Variants in KALRN observed in about 807,000 individuals in gnomAD.
The protein encoded by KALRN is kalirin.
A neutral mutation model predicts 353.7 loss-of-function variants in KALRN; 70 were observed. The observed-to-expected ratio is 0.20, with a 90% CI of 0.16 to 0.24. The LOEUF (loss-of-function observed/expected upper bound fraction) is 0.24, where lower values mean the gene tolerates loss of function less well. Ranked by LOEUF, KALRN falls within the 10% of genes least tolerant of loss-of-function variation. KALRN has a pLI of 1.00. For missense variants in KALRN, 2,791 were observed against 3,756.7 expected (o/e 0.74, Z 6.72); for synonymous variants, 1,391 against 1,434.8 (o/e 0.97, Z 0.69).
intron 14 of KALRN, among the ~76,000 whole-genome samples, chr3:124,419,026 C>T (rs575330877): frequency 6.5e-4 from 98 of 151,028 alleles, no homozygotes; most frequent in Non-Finnish European, 1.1e-3. Flanking sequence ...GAGCTGAGAT[C>T]GCACCACTGC....
intron 51 of KALRN, among the ~76,000 whole-genome samples, chr3:124,685,862 G>A (rs1014151775): frequency 2.6e-5 from 4 of 152,132 alleles, no homozygotes; most frequent in African/African-American, 9.7e-5. Context: ...GTACACTAAT[G>A]AGATTACAAG....
At chr3:124,310,217 T>C (rs1315126645) in intron 6 of KALRN, among the ~76,000 whole-genome samples, 1 of 149,494 alleles carries the variant, frequency 6.7e-6, no homozygotes, top group Non-Finnish European at 1.5e-5. Context: ...GAAAAAAGTG[T>C]AAAACTTATA....
At chr3:124,368,867 C>A (rs558495391) in intron 10 of KALRN, among the ~76,000 whole-genome samples, 1 of 152,230 alleles carries the variant, frequency 6.6e-6, no homozygotes, top group Admixed American at 6.5e-5. Context: ...GGAGACCGGC[C>A]GGCCAACACA....
At chr3:124,265,951 A>G (rs2148898120) in intron 4 of KALRN, among the ~76,000 whole-genome samples, 2 of 152,200 alleles carry the variant, frequency 1.3e-5, no homozygotes, top group South Asian at 4.2e-4. Context: ...CCCTGTCTCT[A>G]CTAAAAATAC....
At chr3:124,056,051 C>T (rs1171403418) in intron 1 of KALRN, among the ~76,000 whole-genome samples, 1 of 152,166 alleles carries the variant, frequency 6.6e-6, no homozygotes. Flanking sequence ...TCCTGGAGAG[C>T]CTTTGTGCAG....
intron 21 of KALRN, among the ~76,000 whole-genome samples, chr3:124,448,231 C>CACA (rs2150699523): frequency 6.6e-6 from 1 of 152,212 alleles, no homozygotes; most frequent in Non-Finnish European, 1.5e-5. Flanking sequence ...CTTTTTCATT[C>CACA]ACATAGCTAC....
At chr3:124,573,155 G>A (rs1460334881) in intron 34 of KALRN, among the ~76,000 whole-genome samples, 1 of 152,116 alleles carries the variant, frequency 6.6e-6, no homozygotes, top group Non-Finnish European at 1.5e-5. Flanking sequence ...TACACCTGTG[G>A]TCCTAGCTGT....
intron 1 of KALRN, among the ~76,000 whole-genome samples, chr3:124,150,739 G>A (rs1211667935): frequency 6.6e-6 from 1 of 152,176 alleles, no homozygotes; most frequent in Non-Finnish European, 1.5e-5. Context: ...GTGTACAGAA[G>A]AGTGCACAAA....
At chr3:124,321,259 T>A (rs567854797) in intron 6 of KALRN, among the ~76,000 whole-genome samples, 1 of 152,346 alleles carries the variant, frequency 6.6e-6, no homozygotes, top group African/African-American at 2.4e-5. Flanking sequence ...TGAATGGGAT[T>A]CAAATAATAC....
intron 5 of KALRN, among the ~76,000 whole-genome samples, chr3:124,278,097 A>G (rs1474479432): frequency 3.3e-5 from 5 of 151,494 alleles, no homozygotes; most frequent in African/African-American, 4.9e-5. Context: ...CTACTGTGTG[A>G]CAGGCCTTCT....
intron 5 of KALRN, among the ~76,000 whole-genome samples, chr3:124,273,815 C>T (rs188643194): frequency 7.9e-5 from 12 of 152,302 alleles, no homozygotes; most frequent in South Asian, 2.1e-4. Context: ...CAGTCTCAGC[C>T]GGGCGCCCTC....
chr3:124,455,713 A>G (rs2059245854), intron 22 of KALRN, among the ~76,000 whole-genome samples: 1 of 152,204 alleles, frequency 6.6e-6, no homozygotes, highest in African/African-American at 2.4e-5. Context: ...AATTATGTTA[A>G]TCAGCAAATG....
chr3:124,476,345 G>A (rs2061425280), intron 26 of KALRN, among the ~76,000 whole-genome samples: 1 of 151,116 alleles, frequency 6.6e-6, no homozygotes, highest in Non-Finnish European at 1.5e-5. Context: ...CTGTGCCACA[G>A]TTCTCTCATC....
At chr3:124,446,125 C>A (rs1285751596) in intron 19 of KALRN, 36 bp from the exon 20 acceptor site, 3 of 1,450,380 alleles carry the variant, frequency 2.1e-6, no homozygotes, top group South Asian at 1.2e-5. Context: ...TTGCTCAGAG[C>A]CCCTTGTGAC....
chr3:124,624,765 G>A (rs1332484477), intron 34 of KALRN, among the ~76,000 whole-genome samples: 1 of 152,150 alleles, frequency 6.6e-6, no homozygotes, highest in Non-Finnish European at 1.5e-5. Context: ...GTGAGGGAGG[G>A]GGAAAATTGC....
At chr3:124,462,413 A>G (rs1211714413) in intron 24 of KALRN, 111 bp from the exon 25 acceptor site, 6 of 642,578 alleles carry the variant, frequency 9.3e-6, no homozygotes, top group African/African-American at 7.3e-5. Context: ...TAAACTCTGC[A>G]CGCATTTACA....
intron 1 of KALRN, among the ~76,000 whole-genome samples, chr3:124,076,625 ATATTT>A (rs1684451529): frequency 6.6e-6 from 1 of 152,174 alleles, no homozygotes; most frequent in South Asian, 2.1e-4. Context: ...TGCAATGATG[ATATTT>A]TAGATCATTT....
chr3:124,605,602 A>G (rs1269330058), intron 34 of KALRN, among the ~76,000 whole-genome samples: 1 of 120,232 alleles, frequency 8.3e-6, no homozygotes, highest in Non-Finnish European at 1.7e-5. Context: ...GAGAGAGAAT[A>G]GGTGCATTAA....
chr3:124,512,265 G>A (rs866425060), intron 33 of KALRN, among the ~76,000 whole-genome samples: 12 of 152,288 alleles, frequency 7.9e-5, no homozygotes, highest in African/African-American at 1.9e-4. Flanking sequence ...TGTCGCTGGC[G>A]CAATACAGGG....
Sources: allele counts gnomAD v4.1 joint callset (sites outside exome capture counted in the v4.1 genomes callset), GRCh38; gene constraint gnomAD v4.1.1; transcripts MANE v1.5; gene names NCBI Gene and HGNC (gene_info 2026-07-23, HGNC 2026-07-21).